The following TPCN2 variants were observed in gnomAD, a reference collection of about 807,000 sequenced individuals.
The protein encoded by TPCN2 is two pore segment channel 2, also known as two pore channel protein 2.
TPCN2 carries 92 observed loss-of-function variants against 111.4 expected under a neutral mutation model. That is an observed-to-expected ratio of 0.83 (90% confidence interval 0.70 to 0.98). The LOEUF (loss-of-function observed/expected upper bound fraction) is 0.98, where lower values mean the gene tolerates loss of function less well. Among genes scored for constraint, TPCN2 ranks in the 50% least tolerant of loss-of-function variants. The pLI is 0.00. For missense variants in TPCN2, 995 were observed against 980.1 expected (o/e 1.02, Z -0.20); for synonymous variants, 405 against 414.5 (o/e 0.98, Z 0.28).
chr11:69,065,497 C>T (rs867948024), intron 7 of TPCN2, among the ~76,000 whole-genome samples: 2 of 152,186 alleles, frequency 1.3e-5, no homozygotes. Context: ...GCGTGCTTGT[C>T]GTGGTCTTGG....
Position 69,054,738 on chromosome 11 carries a change from C to G in TPCN2, c.192C>G (p.His64Gln). The G allele has an allele frequency of 6.2e-7, 1 of 1,614,188 alleles. No individual in the cohort carries two copies. Among genetic ancestry groups the G allele is most frequent in the Non-Finnish European group, 8.5e-7 (1 of 1,180,008 alleles). ...GCTTGTAGTACCGCTCCATCAACCA[C>G]CGGGTGGATGCCAGCTCGATGTGGC... ...EDAIQYRSIN[H>Q]RVDASSMWLY... Residue 64 changes from histidine to glutamine, a missense_variant, in exon 3 of 25, where the codon CAC (histidine) becomes CAG (glutamine). Coordinates refer to ENST00000294309, the MANE Select transcript of TPCN2 (RefSeq NM_139075.4).
intron 7 of TPCN2, 124 bp from the exon 8 acceptor site, chr11:69,067,379 G>A: frequency 1.2e-6 from 1 of 849,150 alleles, no homozygotes; most frequent in African/African-American, 1.7e-5. Context: ...CCTGCTGGGA[G>A]GCCACAGGGA....
At chr11:69,070,089 G>A (rs10750841) in intron 8 of TPCN2, among the ~76,000 whole-genome samples, 65,811 of 150,890 alleles carry the variant, frequency 0.44, 14,754 homozygotes, top group Non-Finnish European at 0.5. Flanking sequence ...CAGTGGTGCA[G>A]TCTCGGTTCA....
intron 1 of TPCN2, among the ~76,000 whole-genome samples, chr11:69,049,339 G>C (rs1332371572): frequency 6.6e-6 from 1 of 152,178 alleles, no homozygotes; most frequent in African/African-American, 2.4e-5. Context: ...TCCGTGTCGC[G>C]TCCTGATCCC....
At chr11:69,079,122 C>T (rs1855904340) in intron 16 of TPCN2, 102 bp downstream of exon 16, 1 of 1,439,588 alleles carries the variant, frequency 6.9e-7, no homozygotes, top group Admixed American at 2.3e-5. Flanking sequence ...GGACTAGAGG[C>T]TGTAGGAAGG....
intron 8 of TPCN2, 56 bp downstream of exon 8, chr11:69,067,661 C>T: frequency 6.5e-7 from 1 of 1,547,528 alleles, no homozygotes; most frequent in Non-Finnish European, 8.9e-7. Context: ...CACTGGGGGG[C>T]CGGTTTGGGC....
At chr11:69,068,299 C>T (rs1231694910) in intron 8 of TPCN2, among the ~76,000 whole-genome samples, 2 of 148,784 alleles carry the variant, frequency 1.3e-5, no homozygotes, top group Non-Finnish European at 3.0e-5. Flanking sequence ...AGGAAGTGAC[C>T]GCACTGGGAG....
intron 17 of TPCN2, among the ~76,000 whole-genome samples, 164 bp from the exon 18 acceptor site, chr11:69,081,236 G>A (rs996492793): frequency 1.3e-5 from 2 of 152,030 alleles, no homozygotes; most frequent in South Asian, 2.1e-4. Context: ...CCGCCCTCTC[G>A]CCACCCTGCA....
At chr11:69,054,642 T>G (rs1854668313) in intron 2 of TPCN2, 79 bp from the exon 3 acceptor site, 2 of 1,340,332 alleles carry the variant, frequency 1.5e-6, no homozygotes, top group Admixed American at 1.7e-5. Context: ...TGGGCCTGTC[T>G]CGTGTGTGGT....
Position 69,085,722 on chromosome 11 carries a change from G to A in TPCN2, c.1890G>A (p.Glu630=), listed in dbSNP as rs1452707601. The change falls in exon 21 of 25, where the codon GAG becomes GAA. Residue 630 remains glutamate (E), a synonymous_variant. Coordinates refer to ENST00000294309, the MANE Select transcript of TPCN2 (RefSeq NM_139075.4). ...CCTGTGGGAGCTTCGAGCAGCTGGA[G>A]TACTGGGCCAACAACTTCGATGACT... ...SAPCGSFEQL[E]YWANNFDDFA... is the part of the protein sequence containing the mutation. 1.9e-6 allele frequency: 3 copies of A among 1,614,174 alleles called. No individual in the cohort carries two copies. Among genetic ancestry groups the A allele is most frequent in the Non-Finnish European group, 2.5e-6 (3 of 1,180,026 alleles).
At chr11:69,065,973 T>C (rs1855256272) in intron 7 of TPCN2, among the ~76,000 whole-genome samples, 1 of 151,700 alleles carries the variant, frequency 6.6e-6, no homozygotes, top group South Asian at 2.1e-4. Flanking sequence ...TGGAGCTGAA[T>C]TGTAGAGGAG....
At chr11:69,078,383 A>G in intron 13 of TPCN2, 99 bp from the exon 14 acceptor site, 1 of 1,499,686 alleles carries the variant, frequency 6.7e-7, no homozygotes, top group Non-Finnish European at 9.0e-7. Context: ...ATGGGGTAGG[A>G]AAAAATCAAA....
At chr11:69,082,324 A>G (rs1000192593) in intron 18 of TPCN2, among the ~76,000 whole-genome samples, 1 of 152,248 alleles carries the variant, frequency 6.6e-6, no homozygotes, top group Non-Finnish European at 1.5e-5. Flanking sequence ...ATGCACATGC[A>G]TATACACACA....
At chr11:69,085,605 G>A (rs748007818) in intron 20 of TPCN2, 66 bp from the exon 21 acceptor site, 2 of 1,065,994 alleles carry the variant, frequency 1.9e-6, no homozygotes, top group Non-Finnish European at 2.9e-6. Flanking sequence ...GAGGAAAGGG[G>A]TGTAAGGTAT....
At chr11:69,067,756 C>T (rs1183832373) in intron 8 of TPCN2, 151 bp downstream of exon 8, 2 of 616,776 alleles carry the variant, frequency 3.2e-6, no homozygotes, top group Non-Finnish European at 5.6e-6. Flanking sequence ...CCTTCCTCCC[C>T]TTCTTTTCCT....
At chr11:69,052,430 A>C (rs1035691870) in intron 1 of TPCN2, among the ~76,000 whole-genome samples, 2 of 152,162 alleles carry the variant, frequency 1.3e-5, no homozygotes, top group Non-Finnish European at 2.9e-5. Context: ...GCTTCTGTTC[A>C]TAGCGATCCC....
chr11:69,085,560 A>G (rs542582659), intron 20 of TPCN2, 111 bp from the exon 21 acceptor site: 24 of 806,714 alleles, frequency 3.0e-5, no homozygotes, highest in Non-Finnish European at 4.4e-5. Flanking sequence ...CTGTATCCCA[A>G]TTTGTACCTT....
At chr11:69,077,841 G>A (rs1855857155) in intron 13 of TPCN2, among the ~76,000 whole-genome samples, 1 of 152,222 alleles carries the variant, frequency 6.6e-6, no homozygotes, top group South Asian at 2.1e-4. Context: ...AGAACTGAGT[G>A]TTGAATTTTG....
At chr11:69,069,983 C>A (rs1190325094) in intron 8 of TPCN2, among the ~76,000 whole-genome samples, 1 of 151,920 alleles carries the variant, frequency 6.6e-6, no homozygotes, top group Non-Finnish European at 1.5e-5. Context: ...TCCCAGGAGA[C>A]CTCCTTTCTT....
Sources: gnomAD v4.1 joint callset for allele counts (sites outside exome capture counted in the v4.1 genomes callset) on GRCh38, gnomAD v4.1.1 for gene constraint, MANE v1.5 for transcripts, NCBI Gene and HGNC (gene_info 2026-07-23, HGNC 2026-07-21) for gene names.